SGCD: variants seen among roughly 807,000 people sequenced by gnomAD.
SGCD encodes the protein sarcoglycan delta, also known as delta-sarcoglycan.
A neutral mutation model predicts 36.6 loss-of-function variants in SGCD; 18 were observed. The ratio of observed to expected loss-of-function variants is 0.49; its 90% CI spans 0.34 to 0.73. The LOEUF (loss-of-function observed/expected upper bound fraction) is 0.73. Ranked by LOEUF, SGCD falls within the 30% of genes least tolerant of loss-of-function variation. The probability of loss-of-function intolerance (pLI) is 0.01; values close to 1 mark genes in which losing one functional copy is unlikely to be tolerated. For synonymous variants in SGCD, 133 were observed against 130.6 expected, an observed-to-expected ratio of 1.02 and a Z score of -0.12; for missense variants, 387 against 346.7, an observed-to-expected ratio of 1.12 and a Z score of -0.92.
chr5:155,877,989 A>G (rs1240866147), intron 1 of SGCD, among the ~76,000 whole-genome samples: 1 of 152,098 alleles, frequency 6.6e-6, no homozygotes, highest in African/African-American at 2.4e-5. Flanking sequence ...AAAATTGCTG[A>G]AAGAACTGTA....
intron 1 of SGCD, among the ~76,000 whole-genome samples, chr5:156,017,843 T>G (rs968338735): frequency 6.6e-6 from 1 of 152,172 alleles, no homozygotes; most frequent in Non-Finnish European, 1.5e-5. Context: ...CATCTCCTCT[T>G]TTGACATTCA....
At chr5:156,252,263 G>T (rs1162598175) in intron 3 of SGCD, among the ~76,000 whole-genome samples, 2 of 151,902 alleles carry the variant, frequency 1.3e-5, no homozygotes, top group Non-Finnish European at 2.9e-5. Context: ...TTTTAGTAGA[G>T]ATGGGGTTTC....
intron 3 of SGCD, among the ~76,000 whole-genome samples, chr5:156,389,356 C>T (rs1372118786): frequency 6.6e-6 from 1 of 152,194 alleles, no homozygotes; most frequent in Non-Finnish European, 1.5e-5. Context: ...TTTCCCTCCT[C>T]ATACAGAGAC....
intron 1 of SGCD, among the ~76,000 whole-genome samples, chr5:155,901,262 A>G (rs764856722): frequency 1.8e-4 from 27 of 151,640 alleles, no homozygotes; most frequent in Non-Finnish European, 3.4e-4. Flanking sequence ...CAGTGAGCCG[A>G]GATAGTACCA....
chr5:156,072,361 A>G (rs140166559), intron 1 of SGCD, among the ~76,000 whole-genome samples: 21,584 of 151,710 alleles, frequency 0.14, 1,786 homozygotes, highest in Non-Finnish European at 0.19. Flanking sequence ...GCTTGTCTGT[A>G]AAGTATTTTA....
At chr5:156,033,123 A>C (rs1759395554) in intron 1 of SGCD, among the ~76,000 whole-genome samples, 1 of 151,766 alleles carries the variant, frequency 6.6e-6, no homozygotes, top group Non-Finnish European at 1.5e-5. Context: ...AAAACAAAAA[A>C]AAAGAAGCTC....
chr5:156,319,827 A>G (rs1767611377), intron 3 of SGCD, among the ~76,000 whole-genome samples: 1 of 152,230 alleles, frequency 6.6e-6, no homozygotes, highest in African/African-American at 2.4e-5. Flanking sequence ...TTCCTTTTAC[A>G]TCAGAATACG....
intron 1 of SGCD, among the ~76,000 whole-genome samples, chr5:156,041,438 TAGTAGGGA>T (rs577516930): frequency 4.2e-4 from 64 of 152,280 alleles, no homozygotes; most frequent in Middle Eastern, 3.4e-3. Flanking sequence ...CACTGTTATT[TAGTAGGGA>T]AGGGTAGAAA....
the SGCD span, among the ~76,000 whole-genome samples, chr5:155,733,009 T>A: frequency 9.2e-6 from 1 of 108,342 alleles, no homozygotes; most frequent in Non-Finnish European, 1.8e-5. Flanking sequence ...ATGTTTGTTA[T>A]ACTCGTTTTT....
chr5:156,207,032 C>T (rs1764299424), intron 3 of SGCD, among the ~76,000 whole-genome samples: 1 of 151,916 alleles, frequency 6.6e-6, no homozygotes, highest in African/African-American at 2.4e-5. Context: ...GAATATATCC[C>T]TTTGAGCTTG....
At chr5:156,392,535 A>G (rs556425780) in intron 3 of SGCD, among the ~76,000 whole-genome samples, 85 of 152,312 alleles carry the variant, frequency 5.6e-4, no homozygotes, top group African/African-American at 2.0e-3. Flanking sequence ...CATGTGTTAC[A>G]GGGTGCTCTT....
intron 7 of SGCD, among the ~76,000 whole-genome samples, chr5:156,665,373 A>G (rs965040148): frequency 1.3e-5 from 2 of 152,262 alleles, no homozygotes; most frequent in Non-Finnish European, 2.9e-5. Context: ...GCTCTGCTAC[A>G]TATTCGCAAT....
At chr5:156,177,994 A>T (rs1349255657) in intron 3 of SGCD, among the ~76,000 whole-genome samples, 1 of 152,272 alleles carries the variant, frequency 6.6e-6, no homozygotes, top group Admixed American at 6.5e-5. Flanking sequence ...CCTACTGAAC[A>T]TAATAGTTAA....
At chr5:155,794,177 A>G in the SGCD span, among the ~76,000 whole-genome samples, 1 of 152,184 alleles carries the variant, frequency 6.6e-6, no homozygotes, top group African/African-American at 2.4e-5. Flanking sequence ...GTCCAGCCTG[A>G]AAGCAGATCA....
intron 1 of SGCD, among the ~76,000 whole-genome samples, chr5:156,033,821 T>C (rs1759419854): frequency 6.6e-6 from 1 of 152,172 alleles, no homozygotes; most frequent in Non-Finnish European, 1.5e-5. Context: ...CCTGCCATCA[T>C]TGGAGTGAGC....
intron 1 of SGCD, among the ~76,000 whole-genome samples, chr5:156,024,418 C>T (rs1312242204): frequency 6.6e-6 from 1 of 151,194 alleles, no homozygotes; most frequent in Non-Finnish European, 1.5e-5. Context: ...GGAAAGCAGA[C>T]ACAGATAAAA....
At chr5:156,121,172 G>A (rs1417591992) in intron 2 of SGCD, among the ~76,000 whole-genome samples, 1 of 152,016 alleles carries the variant, frequency 6.6e-6, no homozygotes, top group African/African-American at 2.4e-5. Flanking sequence ...AGAATCCAGT[G>A]GGAACTAAGA....
At chr5:156,225,971 A>G (rs369755790) in intron 3 of SGCD, among the ~76,000 whole-genome samples, 23 of 152,290 alleles carry the variant, frequency 1.5e-4, no homozygotes, top group African/African-American at 5.1e-4. Flanking sequence ...GCTGTTGGGC[A>G]TATGGATAAT....
chr5:156,730,725 T>C (rs1756017310), intron 7 of SGCD, among the ~76,000 whole-genome samples: 1 of 152,204 alleles, frequency 6.6e-6, no homozygotes, highest in Non-Finnish European at 1.5e-5. Flanking sequence ...TTTATATTCC[T>C]GTGGGTATAT....
Sources: gnomAD v4.1 joint callset for allele counts (sites outside exome capture counted in the v4.1 genomes callset) on GRCh38, gnomAD v4.1.1 for gene constraint, MANE v1.5 for transcripts, NCBI Gene and HGNC (gene_info 2026-07-23, HGNC 2026-07-21) for gene names.